CNTN5: variants seen among roughly 807,000 people sequenced by gnomAD.
CNTN5 encodes the protein contactin 5.
A neutral mutation model predicts 129.1 loss-of-function variants in CNTN5; 77 were observed. That is an observed-to-expected ratio of 0.60 (90% CI 0.50 to 0.72). The LOEUF is 0.72. Among genes scored for constraint, CNTN5 ranks in the 30% least tolerant of loss-of-function variants. The probability of loss-of-function intolerance (pLI) is 0.00; values close to 1 mark genes in which losing one functional copy is unlikely to be tolerated. For missense variants in CNTN5, 1,478 were observed against 1,328.8 expected, an observed-to-expected ratio of 1.11 and a Z score of -1.75; for synonymous variants, 509 against 465.6, an observed-to-expected ratio of 1.09 and a Z score of -1.20.
intron 2 of CNTN5, among the ~76,000 whole-genome samples, chr11:99,360,219 T>C (rs1591571758): frequency 6.6e-6 from 1 of 152,198 alleles, no homozygotes; most frequent in East Asian, 1.9e-4. Context: ...TTGGCTTTGC[T>C]GGAGGCAGTT....
chr11:99,955,572 T>A (rs1439136884), intron 7 of CNTN5, among the ~76,000 whole-genome samples: 1 of 152,114 alleles, frequency 6.6e-6, no homozygotes, highest in African/African-American at 2.4e-5. Flanking sequence ...TTTCCCCTTT[T>A]TTTTTGAGAC....
intron 8 of CNTN5, among the ~76,000 whole-genome samples, chr11:99,991,498 CA>C (rs888676508): frequency 2.0e-5 from 3 of 150,754 alleles, no homozygotes; most frequent in Non-Finnish European, 4.4e-5. Flanking sequence ...AAACAAAAGA[CA>C]AAAAAATAAC....
In CNTN5 at chr11:100,291,762, TAAATAAATAAATAAATAAATAAATAAAA is replaced by T. The variant is rs1397860589; in HGVS notation, c.2315-5860_2315-5833del. ...AACGTAAAGTATAATAATAAATAAATAAATAAATAAATAAATAAATAAATAAAAAATATAAATAAATAAAAAATTAAAA... is the reference window on the plus strand; with the variant it reads ...AACGTAAAGTATAATAATAAATAAATAATATAAATAAATAAAAAATTAAAA... On this transcript the variant is annotated intron_variant, in intron 18 of 24. Transcript: ENST00000524871. Among the ~76,000 whole-genome samples the T allele has an allele frequency of 7.6e-5, 3 of 39,488 alleles. 1 individual carries two copies. The highest frequency in any genetic ancestry group is 9.8e-5 in the Non-Finnish European group (1 of 10,178). 25.9% of individuals were successfully genotyped at this position (39,488 alleles called of 152,430 possible).
chr11:99,334,126 G>C (rs1866120289), intron 2 of CNTN5, among the ~76,000 whole-genome samples: 1 of 127,924 alleles, frequency 7.8e-6, no homozygotes, highest in South Asian at 2.8e-4. Flanking sequence ...CCTGTCCTTT[G>C]CTCTTAAAAC....
intron 2 of CNTN5, among the ~76,000 whole-genome samples, chr11:99,554,824 G>C (rs770235442): frequency 2.6e-5 from 4 of 151,986 alleles, no homozygotes; most frequent in Non-Finnish European, 4.4e-5. Context: ...GTAAAAAGCA[G>C]TGTATAAATA....
intron 1 of CNTN5, among the ~76,000 whole-genome samples, chr11:99,118,941 A>G (rs1361482097): frequency 6.6e-6 from 1 of 151,856 alleles, no homozygotes; most frequent in Non-Finnish European, 1.5e-5. Flanking sequence ...ATTATGTTAG[A>G]TAATATTTTA....
At chr11:99,549,095 T>A (rs1403112342) in intron 2 of CNTN5, among the ~76,000 whole-genome samples, 2 of 149,972 alleles carry the variant, frequency 1.3e-5, no homozygotes, top group Admixed American at 1.3e-4. Flanking sequence ...TCAATTCCTT[T>A]TTTTTTTTTA....
chr11:99,193,168 TCTTA>T (rs936052682), intron 1 of CNTN5, among the ~76,000 whole-genome samples: 1 of 152,162 alleles, frequency 6.6e-6, no homozygotes, highest in Non-Finnish European at 1.5e-5. Flanking sequence ...AATTCACGTT[TCTTA>T]TCACTATGAC....
At chr11:99,314,152 T>C (rs1865235370) in intron 1 of CNTN5, among the ~76,000 whole-genome samples, 1 of 151,962 alleles carries the variant, frequency 6.6e-6, no homozygotes, top group Admixed American at 6.6e-5. Context: ...GTTTTGAGGG[T>C]ATATATAGCT....
At chr11:99,389,954 A>T (rs1402152835) in intron 2 of CNTN5, among the ~76,000 whole-genome samples, 2 of 152,152 alleles carry the variant, frequency 1.3e-5, no homozygotes, top group African/African-American at 4.8e-5. Context: ...AAGCTAGTTT[A>T]TCATTCTCAA....
intron 13 of CNTN5, among the ~76,000 whole-genome samples, chr11:100,153,608 G>A (rs1250489712): frequency 6.6e-6 from 1 of 151,950 alleles, no homozygotes; most frequent in Non-Finnish European, 1.5e-5. Flanking sequence ...TAATCAAATG[G>A]CGTGAATACT....
intron 3 of CNTN5, among the ~76,000 whole-genome samples, chr11:99,560,583 G>T (rs751102308): frequency 6.6e-6 from 1 of 152,066 alleles, no homozygotes; most frequent in Non-Finnish European, 1.5e-5. Flanking sequence ...GAGCCACCGC[G>T]CCCAGCCTGT....
intron 3 of CNTN5, among the ~76,000 whole-genome samples, chr11:99,737,122 AAC>A (rs557275187): frequency 3.1e-3 from 475 of 151,410 alleles, no homozygotes; most frequent in African/African-American, 0.011. Context: ...ACCACCCTGT[AAC>A]ACACATGCAC....
chr11:100,273,146 G>A (rs1427002799), intron 18 of CNTN5, among the ~76,000 whole-genome samples: 1 of 152,036 alleles, frequency 6.6e-6, no homozygotes, highest in Non-Finnish European at 1.5e-5. Flanking sequence ...TGCTTGCAGG[G>A]CGCCCTCGGG....
At chr11:100,194,597 T>C (rs1348784541) in intron 15 of CNTN5, among the ~76,000 whole-genome samples, 11 of 140,966 alleles carry the variant, frequency 7.8e-5, no homozygotes, top group Non-Finnish European at 1.7e-4. Flanking sequence ...GGTTATGGGA[T>C]ACAAGGAAAA....
intron 1 of CNTN5, among the ~76,000 whole-genome samples, 167 bp from the exon 2 acceptor site, chr11:99,325,179 C>A (rs749985098): frequency 4.6e-5 from 7 of 151,280 alleles, no homozygotes; most frequent in Non-Finnish European, 1.0e-4. Flanking sequence ...ATAAATATAC[C>A]TAATTAGAAG....
intron 16 of CNTN5, among the ~76,000 whole-genome samples, chr11:100,226,290 C>T (rs964879625): frequency 2.0e-5 from 3 of 152,094 alleles, no homozygotes; most frequent in Non-Finnish European, 4.4e-5. Flanking sequence ...TTATTGTCTG[C>T]ACTTGCCTAG....
intron 3 of CNTN5, among the ~76,000 whole-genome samples, chr11:99,745,970 A>C (rs141247211): frequency 6.6e-6 from 1 of 152,316 alleles, no homozygotes; most frequent in East Asian, 1.9e-4. Flanking sequence ...GGAGGTGACA[A>C]ATATGTTCAG....
Position 99,785,754 on chromosome 11 carries a change from C to G in CNTN5, c.56-33790C>G, listed in dbSNP as rs146922492. ...CATAAACAGAACCAATGACAGAAAC[C>G]GCCTGATTTTCTCAATAGATGTAGA... On this transcript the variant is annotated intron_variant, in intron 3 of 24. Transcript: ENST00000524871. Among the ~76,000 whole-genome samples, 9 of 152,120 alleles carry G rather than the reference C, an allele frequency of 5.9e-5. No individual in the cohort carries two copies. The South Asian group carries it at 1.0e-3, about 18-fold the overall frequency.
Sources: gnomAD v4.1 joint callset for allele counts (sites outside exome capture counted in the v4.1 genomes callset) on GRCh38, gnomAD v4.1.1 for gene constraint, MANE v1.5 for transcripts, NCBI Gene and HGNC (gene_info 2026-07-23, HGNC 2026-07-21) for gene names.